PPP2R5C: variants seen among roughly 807,000 people sequenced by gnomAD.
PPP2R5C encodes the protein protein phosphatase 2 regulatory subunit B'gamma, also known as serine/threonine-protein phosphatase 2A 56 kDa regulatory subunit gamma isoform.
Under a neutral mutation model 68.9 loss-of-function variants are expected in PPP2R5C, and 7 were observed. That is an observed-to-expected ratio of 0.10 (90% CI 0.06 to 0.19). PPP2R5C has a LOEUF of 0.19. Ranked by LOEUF, PPP2R5C falls within the 10% of genes least tolerant of loss-of-function variation. The probability of loss-of-function intolerance (pLI) is 1.00; values close to 1 mark genes in which losing one functional copy is unlikely to be tolerated. For missense variants in PPP2R5C, 348 were observed against 641.3 expected (o/e 0.54, Z 4.94); for synonymous variants, 210 against 222.2 (o/e 0.95, Z 0.49).
At chr14:101,876,826 C>T (rs952491633) in intron 2 of PPP2R5C, among the ~76,000 whole-genome samples, 6 of 151,436 alleles carry the variant, frequency 4.0e-5, no homozygotes, top group Admixed American at 2.6e-4. Flanking sequence ...TTGGGAAGTG[C>T]TGTGTAATGC....
At chr14:101,890,486 C>G (rs2044797514) in intron 6 of PPP2R5C, among the ~76,000 whole-genome samples, 190 bp downstream of exon 8, 3 of 152,202 alleles carry the variant, frequency 2.0e-5, no homozygotes, top group Admixed American at 2.0e-4. Flanking sequence ...TGACAAATCT[C>G]TCCCATTTTT....
chr14:101,761,010 G>A (rs1360830174), upstream of PPP2R5C, among the ~76,000 whole-genome samples: 2 of 98,326 alleles, frequency 2.0e-5, no homozygotes, highest in Non-Finnish European at 2.0e-5. Context: ...TCGAGAGAAG[G>A]GGAGGGCAGG....
intron 1 of PPP2R5C, chr14:101,839,315 A>C (rs2041312624): frequency 6.6e-6 from 1 of 151,974 alleles, no homozygotes; most frequent in Admixed American, 6.6e-5. Context: ...GCACCACTGC[A>C]CTCCAACCTA....
Position 101,879,081 on chromosome 14 carries a change from C to T in PPP2R5C, c.295-3080C>T, listed in dbSNP as rs1430257460. On this transcript the variant is annotated intron_variant, in intron 2 of 13. Transcript: ENST00000334743. This position sits in a 1 kb window ranked among gnomAD's most constrained non-coding sequence, Gnocchi z 4.2. Reference sequence around the variant, plus strand: ...ATCTCAGACCCTCTGCAAATGGCATCTAAGCCGCACCCCAGGCAGCCTGGC... The same window carrying T: ...ATCTCAGACCCTCTGCAAATGGCATTTAAGCCGCACCCCAGGCAGCCTGGC... The T allele has an allele frequency of 6.6e-6, 1 of 152,334 alleles. No individual in the cohort carries two copies. The highest frequency in any genetic ancestry group is 6.5e-5 in the Admixed American group (1 of 15,292). The allele number at this position is 152,334 out of a possible 1,614,324, so 9.4% of individuals were successfully genotyped here. A position where few individuals can be genotyped will look rare whatever the true frequency, so the allele number is the denominator to read the frequency against.
chr14:101,861,878 T>C (rs924198757), intron 2 of PPP2R5C, among the ~76,000 whole-genome samples: 17 of 152,176 alleles, frequency 1.1e-4, no homozygotes, highest in Non-Finnish European at 1.6e-4. Context: ...CAGAGTTTGT[T>C]GTCAGTGATA....
At chr14:101,887,919 C>G (rs1008004840) in intron 5 of PPP2R5C, among the ~76,000 whole-genome samples, 3 of 152,166 alleles carry the variant, frequency 2.0e-5, no homozygotes, top group East Asian at 3.9e-4. Flanking sequence ...GAAACACTCT[C>G]TCCGGCTCCC....
intron 1 of PPP2R5C, chr14:101,843,926 G>T: frequency 6.1e-6 from 1 of 163,498 alleles, no homozygotes; most frequent in South Asian, 1.6e-4. Context: ...AACGCCACAG[G>T]TGGTGGTATT....
At chr14:101,784,584 AG>A (rs1288410058) in intron 2 of PPP2R5C, among the ~76,000 whole-genome samples, 3 of 152,148 alleles carry the variant, frequency 2.0e-5, no homozygotes, top group Admixed American at 6.5e-5. Flanking sequence ...CAAGAACAGC[AG>A]GGGGGAAACT....
At chr14:101,833,056 G>C (rs1251900609) in intron 1 of PPP2R5C, among the ~76,000 whole-genome samples, 3 of 152,250 alleles carry the variant, frequency 2.0e-5, no homozygotes, top group African/African-American at 7.2e-5. Context: ...CACACTGGCA[G>C]TGATTAGATC....
intron 13 of PPP2R5C, among the ~76,000 whole-genome samples, chr14:101,922,826 A>G (rs977481087): frequency 2.1e-4 from 32 of 152,160 alleles, no homozygotes; most frequent in African/African-American, 7.0e-4. Flanking sequence ...ATAAAAATAA[A>G]AAAAAAATTT....
intron 8 of PPP2R5C, among the ~76,000 whole-genome samples, chr14:101,897,349 A>G (rs1456382107): frequency 6.6e-6 from 1 of 151,956 alleles, no homozygotes. Flanking sequence ...TACATGCCCT[A>G]ACTCTTCTGC....
rs556555380 is a variant in PPP2R5C at position 101,772,560 on chromosome 14, C to T, written c.93+9590C>T. 3.9e-5 allele frequency among the ~76,000 whole-genome samples: 6 copies of T among 152,070 alleles called. No homozygotes were observed. The East Asian group carries it at 7.7e-4, about 20-fold the overall frequency. The stretch of plus-strand genomic sequence containing the variant: ...CTGTAATCCTGGCACTTTGGGAGGC[C>T]GAGTCGGGTGGATCACCTAAGATCA... On this transcript the variant is annotated intron_variant, in intron 2 of 14. Coordinates refer to the PPP2R5C transcript ENST00000328724.
chr14:101,921,081 T>TTTTG (rs1422147157), intron 13 of PPP2R5C: 5 of 122,454 alleles, frequency 4.1e-5, no homozygotes, highest in African/African-American at 5.3e-5. Flanking sequence ...TTTTTTTTTT[T>TTTTG]TTTTGAGACA....
Position 101,781,661 on chromosome 14 carries a change from G to A in PPP2R5C, c.94-4357G>A, listed in dbSNP as rs1033013982. ...CCTCCGGCATGGGCCCCAGGCCGGG[G>A]TCCCGCCTTTGCCCCGGCCTCCGCT... On this transcript the variant is annotated intron_variant, in intron 2 of 14. Coordinates refer to the PPP2R5C transcript ENST00000328724. This position sits in a 1 kb window ranked among gnomAD's most constrained non-coding sequence, Gnocchi z 6.4. 5.3e-5 allele frequency among the ~76,000 whole-genome samples: 8 copies of A among 152,128 alleles called. No individual in the cohort carries two copies. The highest frequency in any genetic ancestry group is 1.2e-4 in the Non-Finnish European group (8 of 68,000).
chr14:101,925,447 C>T, exon 14 of PPP2R5C: 1 of 1,165,874 alleles, frequency 8.6e-7, no homozygotes, highest in Non-Finnish European at 1.2e-6. Context: ...ACAATGGTGA[C>T]TTCCCAGAGC....
At chr14:101,842,636 A>G (rs2041551565) in intron 1 of PPP2R5C, among the ~76,000 whole-genome samples, 1 of 152,104 alleles carries the variant, frequency 6.6e-6, no homozygotes, top group South Asian at 2.1e-4. Context: ...ATCTATGTCC[A>G]GCCCTTCCCA....
intron 8 of PPP2R5C, among the ~76,000 whole-genome samples, chr14:101,897,243 C>T (rs896068097): frequency 2.6e-5 from 4 of 152,128 alleles, no homozygotes; most frequent in South Asian, 2.1e-4. Flanking sequence ...TCCTTCTTAA[C>T]GACTGAAGAC....
At chr14:101,761,686 C>A, upstream of PPP2R5C, 1 of 235,928 alleles carries the variant, frequency 4.2e-6, no homozygotes, top group Non-Finnish European at 6.7e-6. Flanking sequence ...GACGCCGCCG[C>A]TGCCGCCGCC....
intron 2 of PPP2R5C, chr14:101,765,167 G>C (rs139833022): frequency 2.1e-4 from 145 of 702,754 alleles, no homozygotes; most frequent in Admixed American, 1.0e-4. Context: ...TACTGTCTAA[G>C]AGCTGGAGCT....
Sources: allele counts gnomAD v4.1 joint callset (sites outside exome capture counted in the v4.1 genomes callset), GRCh38; gene constraint gnomAD v4.1.1; non-coding constraint Gnocchi (gnomAD v3.1); transcripts MANE v1.5; gene names NCBI Gene and HGNC (gene_info 2026-07-23, HGNC 2026-07-21).